The following IQSEC3 variants were observed in gnomAD, a reference collection of about 807,000 sequenced individuals.
IQSEC3 encodes IQ motif and SEC7 domain-containing protein 3.
In IQSEC3, 50 loss-of-function variants were observed where a neutral mutation model predicts 105.4. The ratio of observed to expected loss-of-function variants is 0.47; its 90% CI spans 0.38 to 0.60. The LOEUF (loss-of-function observed/expected upper bound fraction) is 0.60, where lower values mean the gene tolerates loss of function less well. Among genes scored for constraint, IQSEC3 ranks in the 20% least tolerant of loss-of-function variants. IQSEC3 has a pLI of 0.00. For missense variants in IQSEC3, 1,415 were observed against 1,630.0 expected, an observed-to-expected ratio of 0.87 and a Z score of 2.27; for synonymous variants, 708 against 746.0, an observed-to-expected ratio of 0.95 and a Z score of 0.83.
intron 5 of IQSEC3, among the ~76,000 whole-genome samples, chr12:150,808 C>T (rs1181183668): frequency 1.3e-5 from 2 of 152,096 alleles, no homozygotes; most frequent in Admixed American, 1.3e-4. Context: ...TAGAGAGCAA[C>T]GAGGGCTCAA....
chr12:69,130 G>A (rs1555066814), intron 1 of IQSEC3, among the ~76,000 whole-genome samples: 2 of 152,176 alleles, frequency 1.3e-5, no homozygotes, highest in African/African-American at 2.4e-5. Context: ...CTTCCCTGAG[G>A]GCAGCCACAG....
At position 165,418 on chromosome 12, in the gene IQSEC3, T is replaced by C. The variant is rs1867120410; in HGVS notation, c.2710-16T>C. On this transcript the variant is annotated splice_polypyrimidine_tract_variant and intron_variant, in intron 9 of 13. Transcript: ENST00000538872. ...GTCTGTTCATCAGGGCATGCCTGTT[T>C]CCCTCTCCTGAACAGATTCTCAAAC... is the stretch of plus-strand genomic sequence containing the variant. 4 of 1,605,056 alleles carry C rather than the reference T, an allele frequency of 2.5e-6. No individual in the cohort carries two copies. The South Asian group carries it at 4.4e-5, about 18-fold the overall frequency.
chr12:69,963 G>A (rs115172304), intron 1 of IQSEC3, among the ~76,000 whole-genome samples: 1,653 of 152,292 alleles, frequency 0.011, 29 homozygotes, highest in African/African-American at 0.037. Context: ...AGAGCCAGCA[G>A]CCCCCTCCCT....
chr12:82,463 C>T (rs1393650548), intron 1 of IQSEC3, among the ~76,000 whole-genome samples: 1 of 152,124 alleles, frequency 6.6e-6, no homozygotes, highest in Non-Finnish European at 1.5e-5. Flanking sequence ...GAAGCGGGTT[C>T]AAGACAAAGG....
At chr12:125,392 T>C (rs1441863369) in intron 2 of IQSEC3, among the ~76,000 whole-genome samples, 1 of 151,746 alleles carries the variant, frequency 6.6e-6, no homozygotes, top group Non-Finnish European at 1.5e-5. Context: ...TCCTGAGCCC[T>C]GGCCATAGCT....
intron 5 of IQSEC3, among the ~76,000 whole-genome samples, chr12:145,365 C>G (rs1459861282): frequency 6.6e-6 from 1 of 152,184 alleles, no homozygotes; most frequent in Non-Finnish European, 1.5e-5. Flanking sequence ...ACTTGAACTC[C>G]CGGGCCCAAG....
chr12:168,637 G>A (rs75370248), intron 11 of IQSEC3, among the ~76,000 whole-genome samples: 3,092 of 152,244 alleles, frequency 0.02, 83 homozygotes, highest in African/African-American at 0.057. Flanking sequence ...TAATGACACC[G>A]TGAAGTGGGC....
intron 1 of IQSEC3, among the ~76,000 whole-genome samples, chr12:97,458 T>C (rs1864274496): frequency 2.0e-5 from 3 of 152,226 alleles, no homozygotes; most frequent in Admixed American, 2.0e-4. Context: ...TTCCTTCGAT[T>C]TTTTCCTTTT....
intron 8 of IQSEC3, among the ~76,000 whole-genome samples, chr12:162,864 C>T (rs1237994349): frequency 3.3e-5 from 5 of 152,102 alleles, no homozygotes; most frequent in African/African-American, 7.2e-5. Flanking sequence ...ATCTGCAGGC[C>T]GCAGCCTGGG....
At chr12:92,737 G>T (rs1864128696) in intron 1 of IQSEC3, among the ~76,000 whole-genome samples, 1 of 152,214 alleles carries the variant, frequency 6.6e-6, no homozygotes, top group Non-Finnish European at 1.5e-5. Context: ...AAATAGGGAT[G>T]CAGAGATGCT....
chr12:147,898 T>G (rs539931146), intron 5 of IQSEC3: 18 of 152,300 alleles, frequency 1.2e-4, no homozygotes, highest in African/African-American at 4.3e-4. Flanking sequence ...GGCCGACGGA[T>G]GGCTGTCTAA....
At chr12:116,242 G>A (rs989279977) in intron 2 of IQSEC3, among the ~76,000 whole-genome samples, 9 of 152,148 alleles carry the variant, frequency 5.9e-5, no homozygotes, top group African/African-American at 2.2e-4. Context: ...TACAGCGAGC[G>A]TTCAAACCCT....
intron 1 of IQSEC3, among the ~76,000 whole-genome samples, chr12:70,404 T>C (rs113866786): frequency 0.015 from 2,336 of 152,256 alleles, 39 homozygotes; most frequent in African/African-American, 0.053. Context: ...AGCAGCAATA[T>C]GTGGGTGAGT....
chr12:156,582 C>T (rs148113077), intron 5 of IQSEC3, among the ~76,000 whole-genome samples: 7 of 152,202 alleles, frequency 4.6e-5, no homozygotes, highest in African/African-American at 1.4e-4. Flanking sequence ...AGGGATCCAA[C>T]GGAGGACTCA....
intron 2 of IQSEC3, among the ~76,000 whole-genome samples, chr12:109,423 G>A (rs781912150): frequency 2.3e-4 from 35 of 152,104 alleles, no homozygotes; most frequent in Non-Finnish European, 3.7e-4. Flanking sequence ...CCTTACTGAC[G>A]GCTGCCCCTG....
At chr12:113,261 A>G (rs1277107455) in intron 2 of IQSEC3, among the ~76,000 whole-genome samples, 1 of 152,258 alleles carries the variant, frequency 6.6e-6, no homozygotes, top group African/African-American at 2.4e-5. Context: ...CCTTCTGCTT[A>G]CTTGATTCTC....
intron 2 of IQSEC3, among the ~76,000 whole-genome samples, chr12:104,732 G>A (rs1347041319): frequency 3.9e-5 from 6 of 152,350 alleles, no homozygotes; most frequent in Admixed American, 3.3e-4. Flanking sequence ...AGGCCGCCAC[G>A]CGGGGTACCC....
At chr12:78,477 T>C (rs1456569427) in intron 1 of IQSEC3, among the ~76,000 whole-genome samples, 5 of 151,214 alleles carry the variant, frequency 3.3e-5, no homozygotes, top group African/African-American at 1.2e-4. Context: ...CCACCTTTCC[T>C]GTCTTCCTTG....
chr12:157,111 A>G lies in IQSEC3; in HGVS notation c.2240A>G (p.Glu747Gly). Residue 747 changes from glutamate (E) to glycine (G), a missense_variant, in exon 6 of 14, where the codon GAG (glutamate) becomes GGG (glycine). Physicochemically the swap from Glu to Gly is moderately conservative, Grantham distance 98. Transcript: ENST00000538872. The stretch of plus-strand genomic sequence containing the variant: ...CAGGCACACATCCGTGTGCAGGGGG[A>G]GGCTCAGAAGGTGGAGCGGCTCATT... ...KFQAHIRVQG[E>G]AQKVERLIEA... is the part of the protein sequence containing the mutation. The G allele has an allele frequency of 1.9e-6, 3 of 1,596,696 alleles. No individual in the cohort carries two copies. The highest frequency in any genetic ancestry group is 1.7e-6 in the Non-Finnish European group (2 of 1,171,452).
Sources: gnomAD v4.1 joint callset for allele counts (sites outside exome capture counted in the v4.1 genomes callset) on GRCh38, gnomAD v4.1.1 for gene constraint, MANE v1.5 for transcripts, NCBI Gene and HGNC (gene_info 2026-07-23, HGNC 2026-07-21) for gene names.